NRF1: variants seen among roughly 807,000 people sequenced by gnomAD.
NRF1 encodes the protein nuclear respiratory factor 1, also known as alpha palindromic-binding protein.
NRF1 carries 5 observed loss-of-function variants against 58.5 expected under a neutral mutation model. That is an observed-to-expected ratio of 0.09 (90% CI 0.04 to 0.18). The LOEUF (loss-of-function observed/expected upper bound fraction) is 0.18. NRF1 is among the 10% of genes least tolerant of loss of function. The pLI is 1.00. For missense variants in NRF1, 288 were observed against 657.7 expected, an observed-to-expected ratio of 0.44 and a Z score of 6.15; for synonymous variants, 224 against 246.7, an observed-to-expected ratio of 0.91 and a Z score of 0.86.
intron 1 of NRF1, among the ~76,000 whole-genome samples, chr7:129,625,175 GGTCTCATTGTC>G (rs1176571025): frequency 6.6e-6 from 1 of 152,078 alleles, no homozygotes; most frequent in Non-Finnish European, 1.5e-5. Flanking sequence ...CTGCCTCCAT[GGTCTCATTGTC>G]TCCTCTCCGT....
chr7:129,696,681 C>T (rs1460181191), intron 5 of NRF1, among the ~76,000 whole-genome samples: 2 of 152,160 alleles, frequency 1.3e-5, no homozygotes, highest in Non-Finnish European at 2.9e-5. Flanking sequence ...ATCTTATCTG[C>T]ACTTAATGGT....
intron 10 of NRF1, among the ~76,000 whole-genome samples, chr7:129,743,597 A>G (rs1047524193): frequency 3.9e-5 from 6 of 152,154 alleles, no homozygotes; most frequent in African/African-American, 1.4e-4. Context: ...TTTTTTTCTC[A>G]AGAACTTAAA....
At chr7:129,666,854 T>C (rs750783724) in intron 2 of NRF1, among the ~76,000 whole-genome samples, 1 of 152,112 alleles carries the variant, frequency 6.6e-6, no homozygotes, top group African/African-American at 2.4e-5. Flanking sequence ...TATTGGTAGA[T>C]AATCAGGTTG....
At position 129,650,725 on chromosome 7, in the gene NRF1, A is replaced by AT. The variant is rs952563642; in HGVS notation, c.-6-6611dup. Among the ~76,000 whole-genome samples, 826 of 148,452 alleles carry AT rather than the reference A, an allele frequency of 5.6e-3. 11 individuals are homozygous for AT. The highest frequency in any genetic ancestry group is 0.019 in the African/African-American group (774 of 40,314). Reference sequence around the variant, plus strand: ...ATCATCCTTTTGCGAATAGGTAGTCATTTTTTTTTTCACTTAAAAAAAATG... The same window carrying AT: ...ATCATCCTTTTGCGAATAGGTAGTCATTTTTTTTTTTCACTTAAAAAAAATG... On this transcript the variant is annotated intron_variant, in intron 1 of 10. Transcript: ENST00000393232.
rs539869985 is a variant in NRF1 at position 129,684,413 on chromosome 7, TAGTA to T, written c.466-5990_466-5987del. Among the ~76,000 whole-genome samples the T allele has an allele frequency of 2.1e-3, 314 of 152,294 alleles. 3 individuals are homozygous for T. The highest frequency in any genetic ancestry group is 6.8e-3 in the African/African-American group (283 of 41,568). On this transcript the variant is annotated intron_variant, in intron 4 of 10. Transcript: ENST00000393232. The stretch of plus-strand genomic sequence containing the variant: ...AAAATCTCAGCCAAGTGGATTAACT[TAGTA>T]AGAAAATAAAATAACCAAAACACAT...
At chr7:129,641,647 G>T (rs1158380954) in intron 1 of NRF1, 2 of 151,966 alleles carry the variant, frequency 1.3e-5, no homozygotes, top group African/African-American at 2.4e-5. Flanking sequence ...GAAATAATTT[G>T]GTATGTGCTT....
At chr7:129,655,698 T>G (rs1446603704) in intron 1 of NRF1, among the ~76,000 whole-genome samples, 2 of 152,090 alleles carry the variant, frequency 1.3e-5, no homozygotes, top group African/African-American at 4.8e-5. Context: ...ATTTTTATAT[T>G]TTTAGTAGAG....
At chr7:129,684,327 A>G (rs1006393604) in intron 4 of NRF1, among the ~76,000 whole-genome samples, 14 of 152,242 alleles carry the variant, frequency 9.2e-5, no homozygotes, top group African/African-American at 2.7e-4. Context: ...CTGTAATTGC[A>G]GACAAGAAGA....
At chr7:129,645,787 C>T (rs951371340) in intron 1 of NRF1, among the ~76,000 whole-genome samples, 1 of 152,250 alleles carries the variant, frequency 6.6e-6, no homozygotes, top group Non-Finnish European at 1.5e-5. Context: ...ACCTACTTTC[C>T]TGTCTATGCT....
chr7:129,616,586 G>A (rs10271270), intron 1 of NRF1, among the ~76,000 whole-genome samples: 23,363 of 152,070 alleles, frequency 0.15, 1,939 homozygotes, highest in African/African-American at 0.23. Context: ...GCGACAGTGC[G>A]ACCGTGTTTC....
chr7:129,756,214 C>G lies in NRF1; in HGVS notation c.*1033C>G, dbSNP rs2116338806. ...ACACCCGTGGGAGCAATTTTCTCTA[C>G]TGTCTGTAGCTTCACAGAGGAGGCG... On this transcript the variant is annotated 3_prime_UTR_variant, in exon 11 of 11. Transcript: ENST00000393232. 6.6e-6 allele frequency: 1 copy of G among 152,328 alleles called. No individual in the cohort carries two copies. Among genetic ancestry groups the G allele is most frequent in the East Asian group, 1.9e-4 (1 of 5,182 alleles). The allele number at this position is 152,328 out of a possible 1,614,324, so 9.4% of individuals were successfully genotyped here. A position where few individuals can be genotyped will look rare whatever the true frequency, so the allele number is the denominator to read the frequency against.
chr7:129,614,998 A>C (rs1468295399), intron 1 of NRF1, among the ~76,000 whole-genome samples: 1 of 152,196 alleles, frequency 6.6e-6, no homozygotes, highest in African/African-American at 2.4e-5. Flanking sequence ...TCTGGGATTA[A>C]ATTTTTATGC....
intron 5 of NRF1, among the ~76,000 whole-genome samples, chr7:129,692,429 T>C (rs944310809): frequency 2.6e-5 from 4 of 152,064 alleles, no homozygotes; most frequent in Admixed American, 6.5e-5. Context: ...GGTGTATGCA[T>C]GTAGTCTCAA....
At chr7:129,619,394 G>GTA (rs1491213050) in intron 1 of NRF1, among the ~76,000 whole-genome samples, 4 of 46,632 alleles carry the variant, frequency 8.6e-5, no homozygotes, top group Non-Finnish European at 1.5e-4. Flanking sequence ...CTTGGCATAC[G>GTA]TGTATATATA....
At chr7:129,627,960 T>C (rs910530090) in intron 1 of NRF1, among the ~76,000 whole-genome samples, 4 of 151,860 alleles carry the variant, frequency 2.6e-5, no homozygotes, top group African/African-American at 9.7e-5. Flanking sequence ...AGAAGGACTC[T>C]GGCAATCATC....
rs772354862 is a variant in NRF1, at chr7:129,701,606, AAAAG to A, written c.607-7465_607-7462del. ...GAGGCTGTCTCAAAAAAAAAAAAGAAAAAGAAAAAAAAAAGAGAGAAAACTTGGT... is the reference window on the plus strand; with the variant it reads ...GAGGCTGTCTCAAAAAAAAAAAAGAAAAAAAAAAAAGAGAGAAAACTTGGT... On this transcript the variant is annotated intron_variant, in intron 5 of 10. Transcript: ENST00000393232. Among the ~76,000 whole-genome samples the A allele has an allele frequency of 2.4e-4, 37 of 151,382 alleles. No homozygotes were observed. In the East Asian group the frequency reaches 6.4e-3, roughly 26 times the overall value.
At chr7:129,716,018 A>C (rs575183375) in intron 8 of NRF1, among the ~76,000 whole-genome samples, 99 of 152,016 alleles carry the variant, frequency 6.5e-4, no homozygotes, top group South Asian at 4.6e-3. Context: ...ACAACAAAAA[A>C]AAAAAAGCCA....
Position 129,717,395 on chromosome 7 carries a change from G to A in NRF1, c.1223+19G>A, listed in dbSNP as rs1305223882. ...TTAACAGGTGGTGGCAAGAGTGTGG[G>A]AATAAGTGAGGATCGCAAATCTGTC... On this transcript the variant is annotated intron_variant, in intron 9 of 10. Coordinates refer to ENST00000393232, the MANE Select transcript of NRF1 (RefSeq NM_005011.5). 5 of 1,591,842 alleles carry A rather than the reference G, an allele frequency of 3.1e-6. No individual in the cohort carries two copies. Among genetic ancestry groups the A allele is most frequent in the Non-Finnish European group, 2.6e-6 (3 of 1,168,878 alleles).
rs954183832 is a variant in NRF1, at chr7:129,741,026, C to A, written c.1348+13661C>A. ...GATACCTCTAGTCGACATGTCAGGG[C>A]CCCAAAGGAATCAAGTCCCTTTGGC... On this transcript the variant is annotated intron_variant, in intron 10 of 10. Transcript: ENST00000393232. This position sits in a 1 kb window ranked among gnomAD's most constrained non-coding sequence, Gnocchi z 4.0. Among the ~76,000 whole-genome samples, 2 of 152,166 alleles carry A rather than the reference C, an allele frequency of 1.3e-5. No homozygotes were observed. The highest frequency in any genetic ancestry group is 2.9e-5 in the Non-Finnish European group (2 of 68,028).
Sources: gnomAD v4.1 joint callset for allele counts (sites outside exome capture counted in the v4.1 genomes callset) on GRCh38, gnomAD v4.1.1 for gene constraint, Gnocchi (gnomAD v3.1) non-coding constraint, MANE v1.5 for transcripts, NCBI Gene and HGNC (gene_info 2026-07-23, HGNC 2026-07-21) for gene names.